ADK: variants seen among roughly 807,000 people sequenced by gnomAD.
The protein encoded by ADK is adenosine kinase.
Under a neutral mutation model 44.7 loss-of-function variants are expected in ADK, and 24 were observed. That is an observed-to-expected ratio of 0.54 (90% CI 0.39 to 0.76). The LOEUF is 0.76. Ranked by LOEUF, ADK falls within the 30% of genes least tolerant of loss-of-function variation. The pLI is 0.00. For synonymous variants in ADK, 128 were observed against 142.6 expected (o/e 0.90, Z 0.73); for missense variants, 321 against 425.1 (o/e 0.76, Z 2.15).
chr10:74,398,024 A>G lies in ADK; in HGVS notation c.447-447A>G, dbSNP rs78727278. Among the ~76,000 whole-genome samples the G allele has an allele frequency of 6.1e-3, 924 of 152,342 alleles. 10 individuals carry two copies. Among genetic ancestry groups the G allele is most frequent in the African/African-American group, 0.021 (861 of 41,586 alleles). On this transcript the variant is annotated intron_variant, in intron 5 of 10. Transcript: ENST00000539909. Reference sequence around the variant, plus strand: ...TTTATAAGTGTCTTTTACGAAATTAATTCCATATTTGGCTTTTAAAGGCTT... The same window carrying G: ...TTTATAAGTGTCTTTTACGAAATTAGTTCCATATTTGGCTTTTAAAGGCTT...
intron 4 of ADK, among the ~76,000 whole-genome samples, chr10:74,342,730 C>T (rs1841621174): frequency 6.6e-6 from 1 of 151,414 alleles, no homozygotes; most frequent in African/African-American, 2.4e-5. Context: ...TGGCCTTAGC[C>T]TCCCAAAGTT....
intron 2 of ADK, among the ~76,000 whole-genome samples, chr10:74,217,009 C>T (rs1844066222): frequency 6.6e-6 from 1 of 152,204 alleles, no homozygotes; most frequent in Non-Finnish European, 1.5e-5. Context: ...GAGTGCCAGA[C>T]AGTGGGCGCA....
At chr10:74,438,332 C>G (rs949841249) in intron 6 of ADK, among the ~76,000 whole-genome samples, 2 of 151,778 alleles carry the variant, frequency 1.3e-5, no homozygotes, top group African/African-American at 2.4e-5. Context: ...TCAAGCAATT[C>G]TCCTGCCTCA....
rs1359849482 is a variant in ADK at position 74,607,318 on chromosome 10, C to T, written c.877+6825C>T. Among the ~76,000 whole-genome samples, 6 of 152,304 alleles carry T rather than the reference C, an allele frequency of 3.9e-5. No individual in the cohort carries two copies. The South Asian group carries it at 1.0e-3, about 26-fold the overall frequency. The stretch of plus-strand genomic sequence containing the variant: ...TGCCCGTTAGTTGATGTGGTTTCTT[C>T]ATAGTCTTGATGGTCTTTACAATTT... On this transcript the variant is annotated intron_variant, in intron 9 of 10. Coordinates refer to ENST00000539909, the MANE Select transcript of ADK (RefSeq NM_006721.4).
At chr10:74,532,624 G>T (rs1414284587) in intron 7 of ADK, among the ~76,000 whole-genome samples, 1 of 152,058 alleles carries the variant, frequency 6.6e-6, no homozygotes, top group Non-Finnish European at 1.5e-5. Context: ...GAACTGGCTG[G>T]GCATAGTGCA....
chr10:74,209,017 A>G (rs1843708663), intron 2 of ADK, among the ~76,000 whole-genome samples: 1 of 152,150 alleles, frequency 6.6e-6, no homozygotes, highest in African/African-American at 2.4e-5. Flanking sequence ...GATTACAGGC[A>G]TGAGCCACCG....
intron 7 of ADK, among the ~76,000 whole-genome samples, chr10:74,576,805 A>G (rs767364005): frequency 9.2e-5 from 14 of 152,146 alleles, no homozygotes; most frequent in Non-Finnish European, 1.6e-4. Context: ...TTGATACCCA[A>G]GCAGAACTCA....
intron 4 of ADK, among the ~76,000 whole-genome samples, chr10:74,317,027 C>G (rs1207910640): frequency 2.0e-5 from 3 of 152,136 alleles, no homozygotes; most frequent in Admixed American, 6.5e-5. Context: ...TACTAGTAAT[C>G]ATACTTTCAT....
At chr10:74,336,997 C>CTA (rs1181798658) in intron 4 of ADK, among the ~76,000 whole-genome samples, 1 of 152,040 alleles carries the variant, frequency 6.6e-6, no homozygotes, top group African/African-American at 2.4e-5. Flanking sequence ...TATGGTGGGC[C>CTA]TATATATATG....
chr10:74,595,553 T>G (rs552799300), intron 8 of ADK, among the ~76,000 whole-genome samples: 84 of 150,954 alleles, frequency 5.6e-4, no homozygotes, highest in African/African-American at 1.9e-3. Context: ...ATTTTTTGTA[T>G]TTTTAGTAGA....
At chr10:74,151,458 A>T (rs531337236) in intron 1 of ADK, 115 bp downstream of exon 1, 2 of 1,156,804 alleles carry the variant, frequency 1.7e-6, no homozygotes, top group Non-Finnish European at 2.5e-6. Flanking sequence ...GCTTGGGGCC[A>T]ACACGCAGGA....
chr10:74,243,229 A>G (rs1845291783), intron 3 of ADK, among the ~76,000 whole-genome samples: 1 of 152,138 alleles, frequency 6.6e-6, no homozygotes, highest in East Asian at 1.9e-4. Flanking sequence ...TGGGACCTGC[A>G]TGGAGCTTTC....
intron 3 of ADK, among the ~76,000 whole-genome samples, chr10:74,264,994 G>A (rs1272125515): frequency 6.6e-6 from 1 of 151,594 alleles, no homozygotes; most frequent in Non-Finnish European, 1.5e-5. Context: ...TTTATTTTTT[G>A]TAGAGACAGG....
intron 6 of ADK, among the ~76,000 whole-genome samples, chr10:74,481,370 T>G (rs896532844): frequency 6.6e-6 from 1 of 152,192 alleles, no homozygotes; most frequent in African/African-American, 2.4e-5. Flanking sequence ...TCTCACCAAT[T>G]TATTTTATTA....
At chr10:74,622,731 G>T (rs535525299) in intron 9 of ADK, among the ~76,000 whole-genome samples, 61 of 152,276 alleles carry the variant, frequency 4.0e-4, no homozygotes, top group Middle Eastern at 6.8e-3. Flanking sequence ...GCCTCGGCCT[G>T]GTGCGGTGGC....
intron 7 of ADK, among the ~76,000 whole-genome samples, chr10:74,536,195 G>A (rs991322371): frequency 6.6e-6 from 1 of 151,856 alleles, no homozygotes; most frequent in African/African-American, 2.4e-5. Context: ...GTAAAATAAT[G>A]CCTGACATTT....
At chr10:74,301,513 C>CAAAAAA (rs34310248) in intron 3 of ADK, among the ~76,000 whole-genome samples, 1 of 56,712 alleles carries the variant, frequency 1.8e-5, no homozygotes. Flanking sequence ...GACTCTGTCT[C>CAAAAAA]AAAAAAAAAA....
intron 9 of ADK, among the ~76,000 whole-genome samples, chr10:74,605,330 A>G (rs748650948): frequency 8.5e-5 from 13 of 152,210 alleles, no homozygotes; most frequent in Admixed American, 2.6e-4. Context: ...CCGGTTTTCA[A>G]AGGCAATCCT....
chr10:74,628,616 C>T (rs1422062193), intron 9 of ADK, among the ~76,000 whole-genome samples: 1 of 152,020 alleles, frequency 6.6e-6, no homozygotes, highest in Admixed American at 6.5e-5. Context: ...GAGCACTAAT[C>T]TAACTCCAAA....
Sources: gnomAD v4.1 joint callset for allele counts (sites outside exome capture counted in the v4.1 genomes callset) on GRCh38, gnomAD v4.1.1 for gene constraint, MANE v1.5 for transcripts, NCBI Gene and HGNC (gene_info 2026-07-23, HGNC 2026-07-21) for gene names.